UGT1A8: variants seen among roughly 807,000 people sequenced by gnomAD.
UGT1A8 encodes UDP glucuronosyltransferase family 1 member A8.
UGT1A8 carries 39 observed loss-of-function variants against 45.3 expected under a neutral mutation model. The ratio of observed to expected loss-of-function variants is 0.86; its 90% CI spans 0.67 to 1.12. The LOEUF is 1.12. Ranked by LOEUF, UGT1A8 falls within the 50% of genes most tolerant of loss-of-function variation. The pLI, the probability that UGT1A8 is intolerant of heterozygous loss-of-function variation, is 0.00. For synonymous variants in UGT1A8, 275 were observed against 249.2 expected, an observed-to-expected ratio of 1.10 and a Z score of -0.97; for missense variants, 719 against 664.9, an observed-to-expected ratio of 1.08 and a Z score of -0.90.
At chr2:233,675,451 T>A (rs1414042107) in intron 1 of UGT1A8, among the ~76,000 whole-genome samples, 2 of 152,182 alleles carry the variant, frequency 1.3e-5, no homozygotes, top group Non-Finnish European at 2.9e-5. Flanking sequence ...GAATTCAGGC[T>A]TTGTCTATAC....
intron 4 of UGT1A8, 143 bp downstream of exon 4, chr2:233,768,582 C>CTTTTTTTTTTTTTTTTTTTTTTTTTTT (rs139595073): frequency 1.2e-6 from 1 of 867,188 alleles, no homozygotes; most frequent in Non-Finnish European, 1.4e-6. Flanking sequence ...TTTATTTCTT[C>CTTTTTTTTTTTTTTTTTTTTTTTTTTT]TTTTTTTTTT....
intron 1 of UGT1A8, chr2:233,747,358 G>A (rs1172361388): frequency 8.7e-6 from 14 of 1,603,108 alleles, no homozygotes; most frequent in Middle Eastern, 1.7e-4. Flanking sequence ...GAGGCCGTGC[G>A]GGAGCTCCAT....
chr2:233,705,781 C>T (rs754903994), intron 1 of UGT1A8, among the ~76,000 whole-genome samples: 16 of 152,258 alleles, frequency 1.1e-4, no homozygotes, highest in Non-Finnish European at 2.2e-4. Flanking sequence ...TGTCTTAGTG[C>T]AAAATGCCCC....
intron 1 of UGT1A8, among the ~76,000 whole-genome samples, chr2:233,681,051 T>A (rs746474324): frequency 6.6e-6 from 1 of 151,772 alleles, no homozygotes; most frequent in Non-Finnish European, 1.5e-5. Context: ...AAGCAGCACT[T>A]GTGGCTCACC....
chr2:233,745,526 T>C (rs1383340744), intron 1 of UGT1A8, among the ~76,000 whole-genome samples: 1 of 151,838 alleles, frequency 6.6e-6, no homozygotes, highest in Admixed American at 6.5e-5. Flanking sequence ...CTAATGGGGA[T>C]GTGTTATGTC....
chr2:233,757,415 G>A (rs918647470), intron 1 of UGT1A8, among the ~76,000 whole-genome samples: 20 of 151,366 alleles, frequency 1.3e-4, no homozygotes, highest in Admixed American at 1.1e-3. Flanking sequence ...GGTCTAGAAC[G>A]AAAAGAGAAG....
chr2:233,651,030 T>C (rs1272377054), intron 1 of UGT1A8, among the ~76,000 whole-genome samples: 1 of 152,188 alleles, frequency 6.6e-6, no homozygotes, highest in African/African-American at 2.4e-5. Flanking sequence ...AGCCAACTCA[T>C]GGGAAAATGA....
chr2:233,645,244 A>G (rs1323373160), intron 1 of UGT1A8, among the ~76,000 whole-genome samples: 2 of 152,114 alleles, frequency 1.3e-5, no homozygotes. Flanking sequence ...TGCCCCCATG[A>G]TTCAATTTTC....
intron 1 of UGT1A8, among the ~76,000 whole-genome samples, chr2:233,724,799 C>G (rs559235136): frequency 7.2e-6 from 1 of 139,172 alleles, no homozygotes; most frequent in Non-Finnish European, 1.5e-5. Flanking sequence ...GACGGGGTGG[C>G]GGCCGGGCAG....
chr2:233,691,534 G>C, intron 1 of UGT1A8: 1 of 985,646 alleles, frequency 1.0e-6, no homozygotes, highest in Non-Finnish European at 1.2e-6. Flanking sequence ...ACTAGCTCTG[G>C]GCAAGTCTGT....
intron 1 of UGT1A8, among the ~76,000 whole-genome samples, chr2:233,752,134 G>C (rs1265707864): frequency 6.6e-6 from 1 of 152,180 alleles, no homozygotes; most frequent in Non-Finnish European, 1.5e-5. Context: ...GGACAGAAAG[G>C]ATCATTCCCT....
chr2:233,755,070 C>G, intron 1 of UGT1A8: 1 of 1,336,550 alleles, frequency 7.5e-7, no homozygotes, highest in African/African-American at 1.5e-5. Flanking sequence ...CTCGCCATAG[C>G]GGTCATAGAT....
At chr2:233,693,009 C>T in intron 1 of UGT1A8, 2 of 1,614,130 alleles carry the variant, frequency 1.2e-6, no homozygotes, top group Non-Finnish European at 1.7e-6. Flanking sequence ...TCCAGGATGG[C>T]CTGCCTCCTT....
At chr2:233,718,817 T>C in intron 1 of UGT1A8, 1 of 1,613,436 alleles carries the variant, frequency 6.2e-7, no homozygotes, top group African/African-American at 1.3e-5. Context: ...TGGCTTCTGC[T>C]GAGATGGCCA....
At chr2:233,735,916 G>A (rs182665210) in intron 1 of UGT1A8, among the ~76,000 whole-genome samples, 217 of 152,260 alleles carry the variant, frequency 1.4e-3, no homozygotes, top group South Asian at 0.012. Context: ...TGGGTAACCC[G>A]ACCTTTCTCT....
At chr2:233,641,238 T>C (rs764455283) in intron 1 of UGT1A8, among the ~76,000 whole-genome samples, 4 of 152,218 alleles carry the variant, frequency 2.6e-5, no homozygotes, top group Non-Finnish European at 4.4e-5. Context: ...TGGTAAATTC[T>C]TTTTACCTCC....
At chr2:233,663,646 C>A (rs575637406) in intron 1 of UGT1A8, among the ~76,000 whole-genome samples, 1 of 152,228 alleles carries the variant, frequency 6.6e-6, no homozygotes, top group East Asian at 1.9e-4. Flanking sequence ...GGAATCTAGT[C>A]CCCTGGCAAG....
At chr2:233,667,585 G>A (rs1229353444) in intron 1 of UGT1A8, among the ~76,000 whole-genome samples, 1 of 152,168 alleles carries the variant, frequency 6.6e-6, no homozygotes, top group Non-Finnish European at 1.5e-5. Context: ...TACCATCAGA[G>A]TGAACAGGCA....
chr2:233,763,101 G>A (rs911643886), intron 1 of UGT1A8, among the ~76,000 whole-genome samples: 8 of 152,178 alleles, frequency 5.3e-5, no homozygotes, highest in African/African-American at 1.7e-4. Context: ...GAGAGGCACC[G>A]AACTTTATCA....
Sources: allele counts gnomAD v4.1 joint callset (sites outside exome capture counted in the v4.1 genomes callset), GRCh38; gene constraint gnomAD v4.1.1; transcripts MANE v1.5; gene names NCBI Gene and HGNC (gene_info 2026-07-23, HGNC 2026-07-21).